Variants in MGRN1 observed in about 807,000 individuals in gnomAD.
MGRN1 encodes the protein E3 ubiquitin-protein ligase MGRN1.
MGRN1 carries 29 observed loss-of-function variants against 69.2 expected under a neutral mutation model. The ratio of observed to expected loss-of-function variants is 0.42; its 90% CI spans 0.31 to 0.57. The LOEUF is 0.57. Among genes scored for constraint, MGRN1 ranks in the 20% least tolerant of loss-of-function variants. The pLI, the probability that MGRN1 is intolerant of heterozygous loss-of-function variation, is 0.15. For synonymous variants in MGRN1, 470 were observed against 344.2 expected (o/e 1.37, Z -4.04); for missense variants, 998 against 796.2 (o/e 1.25, Z -3.05).
rs180750769 is a variant in MGRN1 at position 4,673,672 on chromosome 16, C to A, written c.955+15C>A. On this transcript the variant is annotated intron_variant, in intron 10 of 16. Coordinates refer to ENST00000262370, the MANE Select transcript of MGRN1 (RefSeq NM_015246.4). Reference sequence around the variant, plus strand: ...CTGCCGGCTGCGTGAGTTCCCCGGCCGGCTGTTCTGTGGAAGGTTCTGGAA... The same window carrying A: ...CTGCCGGCTGCGTGAGTTCCCCGGCAGGCTGTTCTGTGGAAGGTTCTGGAA... The A allele has an allele frequency of 1.9e-6, 3 of 1,611,094 alleles. No homozygotes were observed. The highest frequency in any genetic ancestry group is 2.5e-6 in the Non-Finnish European group (3 of 1,179,246).
chr16:4,676,495 G>C (rs2079055964), intron 10 of MGRN1, among the ~76,000 whole-genome samples: 1 of 152,206 alleles, frequency 6.6e-6, no homozygotes, highest in Non-Finnish European at 1.5e-5. Flanking sequence ...CTGGAGTTCA[G>C]AGCTCCCGTG....
At chr16:4,665,190 G>A (rs931052137) in intron 7 of MGRN1, 39 bp downstream of exon 7, 3 of 1,612,202 alleles carry the variant, frequency 1.9e-6, no homozygotes, top group Non-Finnish European at 2.5e-6. Flanking sequence ...GGGGACCTGG[G>A]AGCTGGGCAG....
chr16:4,681,070 G>A (rs568517973), intron 12 of MGRN1, among the ~76,000 whole-genome samples: 1 of 152,312 alleles, frequency 6.6e-6, no homozygotes, highest in African/African-American at 2.4e-5. Context: ...CAGGGTGCCC[G>A]TTAGAACCAC....
At chr16:4,676,634 G>C (rs1316023747) in intron 10 of MGRN1, among the ~76,000 whole-genome samples, 1 of 152,192 alleles carries the variant, frequency 6.6e-6, no homozygotes, top group African/African-American at 2.4e-5. Context: ...GACGGCAGAT[G>C]CATTGGTTTG....
intron 15 of MGRN1, 103 bp from the exon 16 acceptor site, chr16:4,683,740 T>C: frequency 2.1e-6 from 2 of 969,568 alleles, no homozygotes; most frequent in South Asian, 3.2e-5. Context: ...GTCCCCACAG[T>C]GGCTACAGAG....
intron 6 of MGRN1, among the ~76,000 whole-genome samples, 153 bp downstream of exon 6, chr16:4,664,928 G>A (rs1019795620): frequency 3.3e-5 from 5 of 152,200 alleles, no homozygotes; most frequent in Admixed American, 6.5e-5. Flanking sequence ...TGGAGTCCCG[G>A]GCAGGTGAGG....
chr16:4,669,549 C>G (rs180876247), intron 8 of MGRN1, among the ~76,000 whole-genome samples: 39 of 151,966 alleles, frequency 2.6e-4, no homozygotes, highest in Non-Finnish European at 4.9e-4. Flanking sequence ...CCGCCATGTA[C>G]AGGGACGCCT....
At chr16:4,653,487 TTTTTGTTTTG>T (rs911286855) in intron 4 of MGRN1, among the ~76,000 whole-genome samples, 1 of 152,018 alleles carries the variant, frequency 6.6e-6, no homozygotes. Flanking sequence ...TTTTGTTTTG[TTTTTGTTTTG>T]TTTTGTTTTG....
In MGRN1 at chr16:4,660,381, T is replaced by A. The variant is rs28616232; in HGVS notation, c.561+3018T>A. Among the ~76,000 whole-genome samples the A allele has an allele frequency of 7.3e-3, 1,101 of 151,834 alleles. 19 individuals are homozygous for A. Among genetic ancestry groups the A allele is most frequent in the African/African-American group, 0.026 (1,055 of 41,340 alleles). On this transcript the variant is annotated intron_variant, in intron 5 of 16. Transcript: ENST00000262370. Reference sequence around the variant, plus strand: ...GTAAACCCGTCTGCCAGCCGGGGAGTGGGAGAGAAGGCTATAGCCACCATC... The same window carrying A: ...GTAAACCCGTCTGCCAGCCGGGGAGAGGGAGAGAAGGCTATAGCCACCATC...
At chr16:4,655,582 C>G (rs974760804) in intron 4 of MGRN1, among the ~76,000 whole-genome samples, 1 of 150,884 alleles carries the variant, frequency 6.6e-6, no homozygotes, top group Non-Finnish European at 1.5e-5. Flanking sequence ...GTCCCCCTCT[C>G]TCAGGACCTG....
intron 1 of MGRN1, among the ~76,000 whole-genome samples, chr16:4,627,948 CGG>C (rs1567162628): frequency 6.8e-6 from 1 of 147,994 alleles, no homozygotes; most frequent in Admixed American, 6.8e-5. Flanking sequence ...GGTGTGGTGG[CGG>C]GCACCTGTAG....
chr16:4,667,234 C>T (rs1344739353), intron 7 of MGRN1, among the ~76,000 whole-genome samples: 2 of 152,250 alleles, frequency 1.3e-5, no homozygotes, highest in Non-Finnish European at 2.9e-5. Flanking sequence ...CAGAGTCCAG[C>T]TCTTACCTGT....
At chr16:4,676,506 T>C (rs924512903) in intron 10 of MGRN1, among the ~76,000 whole-genome samples, 1 of 152,188 alleles carries the variant, frequency 6.6e-6, no homozygotes, top group African/African-American at 2.4e-5. Context: ...AGCTCCCGTG[T>C]GGCTTTGAGC....
At chr16:4,681,483 C>T (rs2079181004) in intron 12 of MGRN1, 67 bp from the exon 13 acceptor site, 2 of 1,463,084 alleles carry the variant, frequency 1.4e-6, no homozygotes, top group Non-Finnish European at 1.9e-6. Context: ...AGGAGGTCAT[C>T]AGGAGGAGCG....
chr16:4,678,664 T>C (rs1053625568), intron 11 of MGRN1, among the ~76,000 whole-genome samples: 3 of 152,172 alleles, frequency 2.0e-5, no homozygotes, highest in Non-Finnish European at 4.4e-5. Context: ...CAGTGACTGG[T>C]TGGGCCCGGG....
chr16:4,657,891 T>C lies in MGRN1; in HGVS notation c.561+528T>C, dbSNP rs563538354. Reference sequence around the variant, plus strand: ...CCGAGTGGCTGGGACTACAGGCGCCTGCCACCACGCCCGGCTAATTTTTTG... The same window carrying C: ...CCGAGTGGCTGGGACTACAGGCGCCCGCCACCACGCCCGGCTAATTTTTTG... On this transcript the variant is annotated intron_variant, in intron 5 of 16. Coordinates refer to ENST00000262370, the MANE Select transcript of MGRN1 (RefSeq NM_015246.4). Among the ~76,000 whole-genome samples, 970 of 151,796 alleles carry C rather than the reference T, an allele frequency of 6.4e-3. 8 individuals are homozygous for C. The highest frequency in any genetic ancestry group is 8.8e-3 in the Non-Finnish European group (598 of 67,874).
At chr16:4,672,872 C>T (rs1334263859) in intron 9 of MGRN1, among the ~76,000 whole-genome samples, 2 of 152,146 alleles carry the variant, frequency 1.3e-5, no homozygotes, top group African/African-American at 4.8e-5. Flanking sequence ...GAGTCTTGCT[C>T]TGTTGCCCAG....
At chr16:4,679,791 T>C (rs1052970180) in intron 11 of MGRN1, among the ~76,000 whole-genome samples, 1 of 152,064 alleles carries the variant, frequency 6.6e-6, no homozygotes, top group South Asian at 2.1e-4. Flanking sequence ...GGGGATGAGA[T>C]TGGGCTCCAC....
chr16:4,644,489 T>C (rs1251929447), intron 1 of MGRN1, among the ~76,000 whole-genome samples: 1 of 151,870 alleles, frequency 6.6e-6, no homozygotes, highest in East Asian at 1.9e-4. Flanking sequence ...TTTGTATTTT[T>C]AGTAGAGACA....
Sources: allele counts gnomAD v4.1 joint callset (sites outside exome capture counted in the v4.1 genomes callset), GRCh38; gene constraint gnomAD v4.1.1; transcripts MANE v1.5; gene names NCBI Gene and HGNC (gene_info 2026-07-23, HGNC 2026-07-21).